Variants in SRSF11 observed in about 807,000 individuals in gnomAD.
SRSF11 encodes serine/arginine-rich splicing factor 11.
In SRSF11, 9 loss-of-function variants were observed where a neutral mutation model predicts 56.0. That is an observed-to-expected ratio of 0.16 (90% CI 0.10 to 0.28). The LOEUF is 0.28. Among genes scored for constraint, SRSF11 ranks in the 10% least tolerant of loss-of-function variants. The pLI is 1.00. For missense variants in SRSF11, 421 were observed against 600.7 expected (o/e 0.70, Z 3.13); for synonymous variants, 222 against 215.3 (o/e 1.03, Z -0.27).
chr1:70,228,626 G>T, intron 2 of SRSF11, 71 bp downstream of exon 2: 19 of 1,470,220 alleles, frequency 1.3e-5, no homozygotes, highest in Non-Finnish European at 1.6e-5. Flanking sequence ...TGTAGAGTGA[G>T]CATTAGTAGC....
intron 7 of SRSF11, among the ~76,000 whole-genome samples, chr1:70,242,083 C>G (rs1020041397): frequency 6.6e-6 from 1 of 151,226 alleles, no homozygotes; most frequent in Non-Finnish European, 1.5e-5. Flanking sequence ...GCAGGAGAAT[C>G]GCTTGAACCC....
intron 2 of SRSF11, chr1:70,231,539 G>A: frequency 9.3e-7 from 1 of 1,075,714 alleles, no homozygotes; most frequent in Non-Finnish European, 1.1e-6. Flanking sequence ...ATGGCACATG[G>A]CGAAACATAA....
intron 8 of SRSF11, 70 bp from the exon 9 acceptor site, chr1:70,246,748 T>C: frequency 1.1e-6 from 1 of 891,688 alleles, no homozygotes; most frequent in South Asian, 1.7e-5. Context: ...TATTTTTGTG[T>C]TTGTAGTGCT....
chr1:70,231,700 T>C, intron 2 of SRSF11: 1 of 1,196,590 alleles, frequency 8.4e-7, no homozygotes, highest in Non-Finnish European at 1.1e-6. Flanking sequence ...CTACGCTTGA[T>C]TCCAACAGAA....
At chr1:70,218,852 AC>A (rs1214021558), upstream of SRSF11, 1 of 152,244 alleles carries the variant, frequency 6.6e-6, no homozygotes, top group Non-Finnish European at 1.5e-5. Flanking sequence ...AGCCTCCATA[AC>A]CATGTGTTCC....
At chr1:70,243,660 A>G (rs1186316748) in intron 7 of SRSF11, among the ~76,000 whole-genome samples, 1 of 152,222 alleles carries the variant, frequency 6.6e-6, no homozygotes, top group African/African-American at 2.4e-5. Flanking sequence ...AATTTAGACT[A>G]TATTTGAAAT....
intron 8 of SRSF11, among the ~76,000 whole-genome samples, chr1:70,245,404 T>TG (rs1192086903): frequency 1.3e-5 from 2 of 151,906 alleles, no homozygotes; most frequent in East Asian, 3.9e-4. Flanking sequence ...AACAGAAGAG[T>TG]GGGGGTAGCT....
At chr1:70,215,952 G>C (rs1251062855) in intron 1 of SRSF11, among the ~76,000 whole-genome samples, 2 of 152,116 alleles carry the variant, frequency 1.3e-5, no homozygotes, top group Non-Finnish European at 2.9e-5. Context: ...ACGCGCGGCT[G>C]ATTTTGTATT....
In SRSF11 at chr1:70,247,210, A is replaced by C. The variant is rs185383735; in HGVS notation, c.1022+303A>C. ...CTAAACCATACTGAATTGTTCCATT[A>C]AGTAAGCTTATTATAGTAAGCTATA... On this transcript the variant is annotated intron_variant, in intron 9 of 11. Transcript: ENST00000370949. 63 of 631,640 alleles carry C rather than the reference A, an allele frequency of 1.0e-4. No individual in the cohort carries two copies. The African/African-American group carries it at 1.2e-3, about 12-fold the overall frequency. The allele number at this position is 631,640 out of a possible 1,614,324, so 39.1% of individuals were successfully genotyped here.
chr1:70,219,787 A>G (rs932882459), upstream of SRSF11, among the ~76,000 whole-genome samples: 1 of 152,150 alleles, frequency 6.6e-6, no homozygotes, highest in African/African-American at 2.4e-5. Context: ...CAACCCATCC[A>G]TTTTCTGTAT....
At chr1:70,210,088 T>C (rs574090045) in intron 1 of SRSF11, among the ~76,000 whole-genome samples, 4 of 152,248 alleles carry the variant, frequency 2.6e-5, no homozygotes, top group East Asian at 1.9e-4. Context: ...GCTTCTCTTA[T>C]ATACTTTTGA....
intron 1 of SRSF11, chr1:70,205,882 G>A (rs999886003): frequency 1.2e-4 from 23 of 187,632 alleles, no homozygotes; most frequent in Admixed American, 1.2e-3. Flanking sequence ...TGGCGAGGGT[G>A]TGGGGAAAGA....
intron 2 of SRSF11, chr1:70,231,603 T>C (rs765382248): frequency 3.5e-6 from 4 of 1,133,306 alleles, no homozygotes; most frequent in East Asian, 6.2e-5. Context: ...CTATCTCTCT[T>C]TCTCTCTCAC....
chr1:70,235,577 G>A, intron 5 of SRSF11, 27 bp downstream of exon 5: 1 of 1,602,046 alleles, frequency 6.2e-7, no homozygotes, highest in Non-Finnish European at 8.5e-7. Flanking sequence ...TGTTTTCATT[G>A]GTGATGTGGT....
At chr1:70,241,723 T>C (rs959342306) in intron 7 of SRSF11, among the ~76,000 whole-genome samples, 3 of 152,260 alleles carry the variant, frequency 2.0e-5, no homozygotes, top group African/African-American at 7.2e-5. Context: ...ATTTCCGCTT[T>C]GAGGAACTCC....
intron 1 of SRSF11, among the ~76,000 whole-genome samples, chr1:70,212,454 G>C (rs534907279): frequency 6.6e-6 from 1 of 152,090 alleles, no homozygotes; most frequent in South Asian, 2.1e-4. Context: ...ATGGGGTTTT[G>C]CCACTTTGGC....
chr1:70,234,918 T>A, intron 4 of SRSF11, 130 bp downstream of exon 4: 5 of 674,036 alleles, frequency 7.4e-6, no homozygotes, highest in Non-Finnish European at 1.2e-5. Context: ...TTTAAACTTG[T>A]CAGAGCTTTA....
At chr1:70,242,969 T>C (rs1299229890) in intron 7 of SRSF11, among the ~76,000 whole-genome samples, 1 of 152,080 alleles carries the variant, frequency 6.6e-6, no homozygotes, top group Admixed American at 6.5e-5. Context: ...GATGTGGAGA[T>C]GTTATTGCAA....
At chr1:70,236,357 G>A (rs1428122227) in intron 5 of SRSF11, among the ~76,000 whole-genome samples, 2 of 131,660 alleles carry the variant, frequency 1.5e-5, no homozygotes, top group Non-Finnish European at 3.1e-5. Context: ...TTTGAGACGA[G>A]TCTCACTCTG....
Sources: gnomAD v4.1 joint callset for allele counts (sites outside exome capture counted in the v4.1 genomes callset) on GRCh38, gnomAD v4.1.1 for gene constraint, MANE v1.5 for transcripts, NCBI Gene and HGNC (gene_info 2026-07-23, HGNC 2026-07-21) for gene names.